Variants in TMEM131 observed in about 807,000 individuals in gnomAD.
TMEM131 encodes transmembrane protein 131.
Under a neutral mutation model 211.6 loss-of-function variants are expected in TMEM131, and 66 were observed. That is an observed-to-expected ratio of 0.31 (90% confidence interval 0.26 to 0.38). The LOEUF is 0.38. TMEM131 is among the 10% of genes least tolerant of loss of function. The pLI, the probability that TMEM131 is intolerant of heterozygous loss-of-function variation, is 1.00. For missense variants in TMEM131, 2,036 were observed against 2,299.3 expected (o/e 0.89, Z 2.34); for synonymous variants, 844 against 841.3 (o/e 1.00, Z -0.06).
chr2:97,988,270 AG>A (rs1481023759), intron 1 of TMEM131, among the ~76,000 whole-genome samples: 1 of 152,218 alleles, frequency 6.6e-6, no homozygotes, highest in Non-Finnish European at 1.5e-5. Context: ...AAAAGAATAG[AG>A]TTATACCCTT....
intron 4 of TMEM131, among the ~76,000 whole-genome samples, chr2:97,875,014 G>A (rs371226788): frequency 1.9e-4 from 29 of 152,160 alleles, no homozygotes; most frequent in East Asian, 7.7e-4. Flanking sequence ...ATAAATGGAT[G>A]GAGGAATATT....
chr2:97,869,657 T>C (rs538383421), intron 4 of TMEM131, among the ~76,000 whole-genome samples: 9 of 152,282 alleles, frequency 5.9e-5, no homozygotes, highest in African/African-American at 1.9e-4. Flanking sequence ...CGGGCACTCC[T>C]TGGACAGACT....
At chr2:97,863,008 T>C (rs1273218648) in intron 4 of TMEM131, among the ~76,000 whole-genome samples, 1 of 151,804 alleles carries the variant, frequency 6.6e-6, no homozygotes, top group Non-Finnish European at 1.5e-5. Flanking sequence ...CAGAATTAGG[T>C]ACAATGGAGC....
At chr2:97,977,710 T>C (rs1430435093) in intron 1 of TMEM131, among the ~76,000 whole-genome samples, 2 of 152,226 alleles carry the variant, frequency 1.3e-5, no homozygotes, top group Non-Finnish European at 2.9e-5. Context: ...TCATAATCTT[T>C]TGGCTAGTGG....
chr2:97,777,570 CA>C (rs1679799103), intron 31 of TMEM131, among the ~76,000 whole-genome samples: 1 of 152,236 alleles, frequency 6.6e-6, no homozygotes, highest in East Asian at 1.9e-4. Context: ...TGGCCCTTTA[CA>C]GAAAAAGTCT....
At chr2:97,884,095 G>A (rs1345328216) in intron 4 of TMEM131, among the ~76,000 whole-genome samples, 1 of 152,028 alleles carries the variant, frequency 6.6e-6, no homozygotes, top group Non-Finnish European at 1.5e-5. Context: ...CTTTTGCTGT[G>A]CCCCATAGGT....
chr2:97,782,064 T>A (rs1168629911), intron 31 of TMEM131, among the ~76,000 whole-genome samples: 1 of 152,212 alleles, frequency 6.6e-6, no homozygotes, highest in Non-Finnish European at 1.5e-5. Context: ...AGCTGAGCCT[T>A]TCATTCCAGA....
At chr2:97,924,316 A>C (rs1676886017) in intron 2 of TMEM131, among the ~76,000 whole-genome samples, 1 of 152,170 alleles carries the variant, frequency 6.6e-6, no homozygotes, top group Non-Finnish European at 1.5e-5. Context: ...CCGGGAGGTC[A>C]AGGTTGCAGT....
chr2:97,892,246 C>T (rs1328915359), intron 3 of TMEM131, among the ~76,000 whole-genome samples: 1 of 152,098 alleles, frequency 6.6e-6, no homozygotes, highest in Non-Finnish European at 1.5e-5. Context: ...TGTAAGAGTT[C>T]TCTGTTACGT....
intron 5 of TMEM131, among the ~76,000 whole-genome samples, chr2:97,858,742 G>C (rs1673945783): frequency 6.6e-6 from 1 of 152,206 alleles, no homozygotes; most frequent in African/African-American, 2.4e-5. Flanking sequence ...GGAGCTGAGA[G>C]GGGTCACTGA....
At chr2:97,982,493 A>T (rs1679844083) in intron 1 of TMEM131, among the ~76,000 whole-genome samples, 1 of 152,048 alleles carries the variant, frequency 6.6e-6, no homozygotes, top group African/African-American at 2.4e-5. Flanking sequence ...GGCTTTTTAA[A>T]GCACAAAACT....
chr2:97,776,432 G>GATTAAAAA (rs545388050), intron 31 of TMEM131, among the ~76,000 whole-genome samples: 12 of 151,904 alleles, frequency 7.9e-5, no homozygotes, highest in Non-Finnish European at 1.6e-4. Context: ...GGACTCTTCT[G>GATTAAAAA]ATTAAAAAAG....
chr2:97,864,756 GT>G (rs1449837330), intron 4 of TMEM131, among the ~76,000 whole-genome samples: 1 of 152,216 alleles, frequency 6.6e-6, no homozygotes, highest in African/African-American at 2.4e-5. Context: ...GCAAAGGAAA[GT>G]GAGTGTCAAT....
intron 11 of TMEM131, among the ~76,000 whole-genome samples, chr2:97,829,752 G>A (rs2105045511): frequency 6.6e-6 from 1 of 152,258 alleles, no homozygotes; most frequent in East Asian, 1.9e-4. Context: ...TCAAGTCAGA[G>A]AGACCAAGAA....
At chr2:97,835,001 G>A (rs1682873798) in intron 8 of TMEM131, 76 bp from the exon 9 acceptor site, 2 of 1,489,976 alleles carry the variant, frequency 1.3e-6, no homozygotes, top group African/African-American at 1.4e-5. Flanking sequence ...TGAACTGGAT[G>A]ACACTGACTG....
At chr2:97,995,381 C>T (rs1171124905) in intron 1 of TMEM131, 95 bp downstream of exon 1, 5 of 1,217,454 alleles carry the variant, frequency 4.1e-6, no homozygotes, top group South Asian at 2.8e-5. Context: ...GCGCCGGAGC[C>T]CCGGCCGCGG....
chr2:97,777,664 T>C (rs1235165492), intron 31 of TMEM131, among the ~76,000 whole-genome samples: 2 of 152,228 alleles, frequency 1.3e-5, no homozygotes, highest in East Asian at 1.9e-4. Flanking sequence ...GCACACTGAT[T>C]ACAAGAAGTG....
At chr2:97,767,175 G>C (rs143863552) in intron 33 of TMEM131, among the ~76,000 whole-genome samples, 1 of 151,994 alleles carries the variant, frequency 6.6e-6, no homozygotes, top group East Asian at 1.9e-4. Context: ...TTGAACTCAG[G>C]GTTAATCTTA....
intron 33 of TMEM131, among the ~76,000 whole-genome samples, chr2:97,768,411 G>C (rs1679293120): frequency 6.6e-6 from 1 of 152,188 alleles, no homozygotes; most frequent in South Asian, 2.1e-4. Flanking sequence ...TGCGTGGGTA[G>C]CTATTTATAC....
Sources: allele counts gnomAD v4.1 joint callset (sites outside exome capture counted in the v4.1 genomes callset), GRCh38; gene constraint gnomAD v4.1.1; transcripts MANE v1.5; gene names NCBI Gene and HGNC (gene_info 2026-07-23, HGNC 2026-07-21).